RNF144B: variants seen among roughly 807,000 people sequenced by gnomAD.
RNF144B encodes ring finger protein 144B, also known as E3 ubiquitin-protein ligase RNF144B.
Under a neutral mutation model 40.2 loss-of-function variants are expected in RNF144B, and 25 were observed. The observed-to-expected ratio is 0.62, with a 90% CI of 0.45 to 0.87. The LOEUF (loss-of-function observed/expected upper bound fraction) is 0.87, where lower values mean the gene tolerates loss of function less well. Ranked by LOEUF, RNF144B falls within the 40% of genes least tolerant of loss-of-function variation. The pLI is 0.00. For missense variants in RNF144B, 365 were observed against 373.7 expected, an observed-to-expected ratio of 0.98 and a Z score of 0.19; for synonymous variants, 145 against 136.3, an observed-to-expected ratio of 1.06 and a Z score of -0.44.
rs1390304542 is a variant in RNF144B at position 18,416,653 on chromosome 6, G to A, written c.166-10928G>A. On this transcript the variant is annotated intron_variant, in intron 2 of 7. Transcript: ENST00000259939. The surrounding 1 kb of genome is among the most constrained non-coding windows in gnomAD (Gnocchi z 5.5). ...TGTAACGGCACTATTTTGGGCTAAA[G>A]TATTTAAAGGCTCTCAATCAGAGTT... 6.6e-6 allele frequency among the ~76,000 whole-genome samples: 1 copy of A among 152,142 alleles called. No individual in the cohort carries two copies. Among genetic ancestry groups the A allele is most frequent in the African/African-American group, 2.4e-5 (1 of 41,436 alleles).
intron 2 of RNF144B, among the ~76,000 whole-genome samples, chr6:18,424,262 AG>A (rs1758500696): frequency 6.6e-6 from 1 of 152,216 alleles, no homozygotes; most frequent in Non-Finnish European, 1.5e-5. Flanking sequence ...GTTAATGGGC[AG>A]CATATAACAA....
chr6:18,427,820 TG>T, intron 3 of RNF144B, 135 bp downstream of exon 3: 1 of 608,758 alleles, frequency 1.6e-6, no homozygotes, highest in Non-Finnish European at 2.9e-6. Context: ...AGCACTTTAT[TG>T]CAGCTTACCT....
rs1469315845 is a variant in RNF144B at position 18,465,490 on chromosome 6, C to T, written c.*423C>T. The T allele has an allele frequency of 2.5e-5, 4 of 161,864 alleles. No individual in the cohort carries two copies. The highest frequency in any genetic ancestry group is 2.4e-4 in the Admixed American group (4 of 16,328). 10.0% of individuals were successfully genotyped at this position (161,864 alleles called of 1,614,324 possible). A position where few individuals can be genotyped will look rare whatever the true frequency, so the allele number is the denominator to read the frequency against. Reference sequence around the variant, plus strand: ...GTGTTGATTTGACTGCCATGAGAAACACAGGGGAAACCTGATGAGGAGAAG... The same window carrying T: ...GTGTTGATTTGACTGCCATGAGAAATACAGGGGAAACCTGATGAGGAGAAG... On this transcript the variant is annotated 3_prime_UTR_variant, in exon 8 of 8. Transcript: ENST00000259939.
At chr6:18,392,555 GA>G (rs1794606006) in intron 1 of RNF144B, among the ~76,000 whole-genome samples, 2 of 151,972 alleles carry the variant, frequency 1.3e-5, no homozygotes, top group African/African-American at 4.8e-5. Context: ...ACAAAGTTGT[GA>G]TCTCATTGCC....
Position 18,395,618 on chromosome 6 carries a change from A to AT in RNF144B, c.-36-3874dup, listed in dbSNP as rs1319368254. Among the ~76,000 whole-genome samples the AT allele has an allele frequency of 1.3e-5, 2 of 149,800 alleles. No individual in the cohort carries two copies. Among genetic ancestry groups the AT allele is most frequent in the Non-Finnish European group, 3.0e-5 (2 of 67,386 alleles). On this transcript the variant is annotated intron_variant, in intron 1 of 7. Coordinates refer to ENST00000259939, the MANE Select transcript of RNF144B (RefSeq NM_182757.4). This position sits in a 1 kb window ranked among gnomAD's most constrained non-coding sequence, Gnocchi z 4.5. ...ATGAAGTGCTCACTGCATTTCATTC[A>AT]TTTTTTTAACTATCCATTGTTGGTT...
rs2113496163 is a variant in RNF144B, at chr6:18,425,384, TCAG to T, written c.166-2190_166-2188del. On this transcript the variant is annotated intron_variant, in intron 2 of 7. Transcript: ENST00000259939. The surrounding 1 kb of genome is among the most constrained non-coding windows in gnomAD (Gnocchi z 4.2). ...TGGCTGATGGAAGGCTGAGATGTCCTCAGCAGCAGAACAGGATGGACAGGCTTT... is the reference window on the plus strand; with the variant it reads ...TGGCTGATGGAAGGCTGAGATGTCCTCAGCAGAACAGGATGGACAGGCTTT... 6.6e-6 allele frequency among the ~76,000 whole-genome samples: 1 copy of T among 152,308 alleles called. No individual in the cohort carries two copies. Among genetic ancestry groups the T allele is most frequent in the South Asian group, 2.1e-4 (1 of 4,826 alleles).
intron 1 of RNF144B, 63 bp from the exon 2 acceptor site, chr6:18,399,436 G>A (rs1562040123): frequency 1.5e-5 from 18 of 1,180,118 alleles, no homozygotes; most frequent in East Asian, 2.6e-5. Context: ...GCCTCCAGAC[G>A]TGTTGGCTAA....
In RNF144B at chr6:18,425,853, T is replaced by G. The variant is rs1410848005; in HGVS notation, c.166-1728T>G. On this transcript the variant is annotated intron_variant, in intron 2 of 7. Transcript: ENST00000259939. The surrounding 1 kb of genome is among the most constrained non-coding windows in gnomAD (Gnocchi z 4.2). ...GTTCTATTTTGGGTATTTAGGTTAT[T>G]TTCTAGTTTTTGCTGTGATGAATAT... Among the ~76,000 whole-genome samples the G allele has an allele frequency of 6.6e-6, 1 of 152,228 alleles. No homozygotes were observed. The highest frequency in any genetic ancestry group is 1.9e-4 in the East Asian group (1 of 5,204).
At position 18,414,769 on chromosome 6, in the gene RNF144B, T is replaced by A. The variant is rs1329720770; in HGVS notation, c.166-12812T>A. Among the ~76,000 whole-genome samples the A allele has an allele frequency of 2.0e-5, 3 of 152,182 alleles. No individual in the cohort carries two copies. Among genetic ancestry groups the A allele is most frequent in the Non-Finnish European group, 4.4e-5 (3 of 68,018 alleles). On this transcript the variant is annotated intron_variant, in intron 2 of 7. Transcript: ENST00000259939. The surrounding 1 kb of genome is among the most constrained non-coding windows in gnomAD (Gnocchi z 4.9). ...TATAAATTTTATCTTTTGCTTTTAG[T>A]TTTAAAATATTGTACAACATCCTGT...
rs1229082377 is a variant in RNF144B, at chr6:18,441,440, A to G, written c.331+1696A>G. ...AGCTCAGTCTATTTACAGTATTCTC[A>G]TGCCTCCATCAGCACTTCTCCTCTC... On this transcript the variant is annotated intron_variant, in intron 4 of 7. Coordinates refer to ENST00000259939, the MANE Select transcript of RNF144B (RefSeq NM_182757.4). This position sits in a 1 kb window ranked among gnomAD's most constrained non-coding sequence, Gnocchi z 4.9. Among the ~76,000 whole-genome samples, 1 of 152,120 alleles carries G rather than the reference A, an allele frequency of 6.6e-6. No individual in the cohort carries two copies. Among genetic ancestry groups the G allele is most frequent in the African/African-American group, 2.4e-5 (1 of 41,440 alleles).
intron 2 of RNF144B, among the ~76,000 whole-genome samples, chr6:18,417,849 G>A (rs1386679618): frequency 6.6e-6 from 1 of 152,146 alleles, no homozygotes; most frequent in Non-Finnish European, 1.5e-5. Flanking sequence ...AAGGGATACA[G>A]CTAGAATATA....
At position 18,411,496 on chromosome 6, in the gene RNF144B, TA is replaced by T. The variant is rs60325756; in HGVS notation, c.165+11798del. Among the ~76,000 whole-genome samples the T allele has an allele frequency of 7.6e-3, 112 of 14,734 alleles. 2 individuals are homozygous for T. The highest frequency in any genetic ancestry group is 0.019 in the African/African-American group (99 of 5,080). 9.7% of individuals were successfully genotyped at this position (14,734 alleles called of 152,430 possible). On this transcript the variant is annotated intron_variant, in intron 2 of 7. Coordinates refer to ENST00000259939, the MANE Select transcript of RNF144B (RefSeq NM_182757.4). ...ATATATATATATATATATATATATA[TA>T]TTTTTTTTTTTTTTTTTTTTTTTTG...
rs1413505340 is a variant in RNF144B, at chr6:18,452,325, A to G, written c.332-4830A>G. 2.0e-5 allele frequency among the ~76,000 whole-genome samples: 3 copies of G among 152,202 alleles called. No individual in the cohort carries two copies. The South Asian group carries it at 6.2e-4, about 31-fold the overall frequency. On this transcript the variant is annotated intron_variant, in intron 4 of 7. Coordinates refer to ENST00000259939, the MANE Select transcript of RNF144B (RefSeq NM_182757.4). ...AAATGAATAGACAGCAGCAATTAAC[A>G]AGATGCCGATTCTGTGCTCCTTCCC... is the stretch of plus-strand genomic sequence containing the variant.
intron 1 of RNF144B, among the ~76,000 whole-genome samples, chr6:18,389,001 CA>C (rs762817779): frequency 1.3e-5 from 2 of 151,808 alleles, no homozygotes; most frequent in Admixed American, 6.6e-5. Flanking sequence ...AAAACTCAAC[CA>C]AAAAAACCCC....
Position 18,412,669 on chromosome 6 carries a change from A to T in RNF144B, c.165+12970A>T, listed in dbSNP as rs1795071246. Among the ~76,000 whole-genome samples, 1 of 152,198 alleles carries T rather than the reference A, an allele frequency of 6.6e-6. No homozygotes were observed. The highest frequency in any genetic ancestry group is 1.5e-5 in the Non-Finnish European group (1 of 68,030). On this transcript the variant is annotated intron_variant, in intron 2 of 7. Coordinates refer to ENST00000259939, the MANE Select transcript of RNF144B (RefSeq NM_182757.4). The surrounding 1 kb of genome is among the most constrained non-coding windows in gnomAD (Gnocchi z 4.2). Reference sequence around the variant, plus strand: ...AGTTAACTAGAAAATTCAGTTTTTTAAAATCCCATTTTCTGTATATTTCAG... The same window carrying T: ...AGTTAACTAGAAAATTCAGTTTTTTTAAATCCCATTTTCTGTATATTTCAG...
At chr6:18,454,576 C>A (rs567563415) in intron 4 of RNF144B, among the ~76,000 whole-genome samples, 1 of 152,262 alleles carries the variant, frequency 6.6e-6, no homozygotes, top group South Asian at 2.1e-4. Flanking sequence ...TTGCATGGAC[C>A]TTTATGTGCT....
chr6:18,401,619 G>T (rs976841766), intron 2 of RNF144B, among the ~76,000 whole-genome samples: 8 of 152,154 alleles, frequency 5.3e-5, no homozygotes, highest in Non-Finnish European at 5.9e-5. Flanking sequence ...TTTGGTTAGA[G>T]ATTTATTTCT....
intron 3 of RNF144B, among the ~76,000 whole-genome samples, chr6:18,430,639 A>G (rs1014540654): frequency 1.4e-4 from 20 of 145,524 alleles, no homozygotes; most frequent in Admixed American, 4.9e-4. Flanking sequence ...GTGCACCACC[A>G]TGCCTGGCTA....
In RNF144B at chr6:18,465,022, G is replaced by C; in HGVS notation, c.867G>C (p.Lys289Asn). Residue 289 changes from lysine to asparagine, a missense_variant, in exon 8 of 8, where the codon AAG (lysine) becomes AAC (asparagine). Coordinates refer to ENST00000259939, the MANE Select transcript of RNF144B (RefSeq NM_182757.4). ...CATGTATAATCTGTTGTGTCTGCAA[G>C]TCCTGTCGGGGCAAGAAGAAAAAGC... ...ASPCIICCVC[K>N]SCRGKKKKHD... is the part of the protein sequence containing the mutation. The C allele has an allele frequency of 6.2e-7, 1 of 1,613,842 alleles. No homozygotes were observed. The highest frequency in any genetic ancestry group is 8.5e-7 in the Non-Finnish European group (1 of 1,179,942).
Sources: allele counts gnomAD v4.1 joint callset (sites outside exome capture counted in the v4.1 genomes callset), GRCh38; gene constraint gnomAD v4.1.1; non-coding constraint Gnocchi (gnomAD v3.1); transcripts MANE v1.5; gene names NCBI Gene and HGNC (gene_info 2026-07-23, HGNC 2026-07-21).